EMCN: variants seen among roughly 807,000 people sequenced by gnomAD.
The protein encoded by EMCN is endomucin.
In EMCN, 37 loss-of-function variants were observed where a neutral mutation model predicts 38.4. The ratio of observed to expected loss-of-function variants is 0.96; its 90% CI spans 0.74 to 1.27. The LOEUF is 1.27. Ranked by LOEUF, EMCN falls within the 50% of genes most tolerant of loss-of-function variation. The probability of loss-of-function intolerance (pLI) is 0.00; values close to 1 mark genes in which losing one functional copy is unlikely to be tolerated. For missense variants in EMCN, 318 were observed against 302.8 expected, an observed-to-expected ratio of 1.05 and a Z score of -0.37; for synonymous variants, 95 against 100.8, an observed-to-expected ratio of 0.94 and a Z score of 0.35.
intron 3 of EMCN, among the ~76,000 whole-genome samples, chr4:100,467,200 G>A (rs2110265354): frequency 6.6e-6 from 1 of 152,226 alleles, no homozygotes; most frequent in South Asian, 2.1e-4. Flanking sequence ...AGTAGGCCTT[G>A]GAGCAAATCT....
In EMCN at chr4:100,457,946, G is replaced by A. The variant is rs141865023; in HGVS notation, c.376+7477C>T. 4.6e-3 allele frequency among the ~76,000 whole-genome samples: 703 copies of A among 152,046 alleles called. 8 individuals carry two copies. Among genetic ancestry groups the A allele is most frequent in the African/African-American group, 0.016 (669 of 41,464 alleles). On this transcript the variant is annotated intron_variant, in intron 4 of 11. Coordinates refer to ENST00000296420, the MANE Select transcript of EMCN (RefSeq NM_016242.4). ...AGCCTGGCCAAGATGGTGAAATCCC[G>A]TCTCTACTAAAAATACGAAAATTAC... is the stretch of plus-strand genomic sequence containing the variant.
intron 1 of EMCN, among the ~76,000 whole-genome samples, chr4:100,514,523 A>G (rs914979944): frequency 1.3e-5 from 2 of 152,002 alleles, no homozygotes; most frequent in Admixed American, 6.6e-5. Context: ...TAGTCTTCCC[A>G]TTTTATAGCC....
chr4:100,469,573 T>G (rs1728416239), intron 3 of EMCN, among the ~76,000 whole-genome samples: 1 of 66,596 alleles, frequency 1.5e-5, no homozygotes, highest in South Asian at 5.1e-4. Flanking sequence ...AATTATTTAA[T>G]TTAAGTCTTT....
intron 2 of EMCN, among the ~76,000 whole-genome samples, chr4:100,478,753 A>C (rs927059273): frequency 6.6e-6 from 1 of 152,196 alleles, no homozygotes; most frequent in Non-Finnish European, 1.5e-5. Flanking sequence ...ATAATTGTAT[A>C]TGAATAATTT....
chr4:100,494,721 A>G (rs1729167776), intron 1 of EMCN, among the ~76,000 whole-genome samples: 1 of 152,094 alleles, frequency 6.6e-6, no homozygotes, highest in Non-Finnish European at 1.5e-5. Flanking sequence ...TAGAACTGAG[A>G]GTAAAAGAAA....
intron 4 of EMCN, among the ~76,000 whole-genome samples, chr4:100,448,795 T>TCTTCCTTCCTTCCTTCCTTCCTTC (rs1553929060): frequency 5.2e-5 from 6 of 114,312 alleles, no homozygotes; most frequent in Non-Finnish European, 9.8e-5. Context: ...TGCCTTGAAG[T>TCTTCCTTCCTTCCTTCCTTCCTTC]CTTCCTTCCT....
intron 5 of EMCN, among the ~76,000 whole-genome samples, chr4:100,433,061 T>C (rs1334780722): frequency 6.6e-6 from 1 of 152,178 alleles, no homozygotes; most frequent in Non-Finnish European, 1.5e-5. Context: ...TGTTGTACAA[T>C]AGACTCCTAG....
At chr4:100,422,885 G>T in intron 7 of EMCN, 136 bp downstream of exon 7, 1 of 670,024 alleles carries the variant, frequency 1.5e-6, no homozygotes, top group Non-Finnish European at 2.5e-6. Flanking sequence ...GCAGCAGTTA[G>T]ATGGGATTGT....
intron 1 of EMCN, among the ~76,000 whole-genome samples, chr4:100,485,767 T>A (rs945861763): frequency 6.6e-6 from 1 of 152,086 alleles, no homozygotes; most frequent in African/African-American, 2.4e-5. Context: ...TCTCTTTTGA[T>A]ATGGGAGAGG....
At chr4:100,416,163 C>A (rs886764392) in intron 9 of EMCN, among the ~76,000 whole-genome samples, 3 of 151,604 alleles carry the variant, frequency 2.0e-5, no homozygotes, top group African/African-American at 4.9e-5. Context: ...TTTTCACATA[C>A]AAATACACAT....
At chr4:100,469,043 C>A (rs934044311) in intron 3 of EMCN, among the ~76,000 whole-genome samples, 2 of 151,892 alleles carry the variant, frequency 1.3e-5, no homozygotes, top group South Asian at 2.1e-4. Flanking sequence ...GACACATAGA[C>A]CAGTGGAAGA....
At chr4:100,486,442 G>T (rs1235631596) in intron 1 of EMCN, among the ~76,000 whole-genome samples, 1 of 152,192 alleles carries the variant, frequency 6.6e-6, no homozygotes, top group South Asian at 2.1e-4. Flanking sequence ...TCTTGTAAAA[G>T]AAGCTTTTAA....
At chr4:100,431,737 C>T (rs200895726) in intron 5 of EMCN, among the ~76,000 whole-genome samples, 1 of 124,166 alleles carries the variant, frequency 8.1e-6, no homozygotes, top group Non-Finnish European at 1.7e-5. Flanking sequence ...CTCTCTCTTT[C>T]TCTCCCTTTC....
At position 100,417,273 on chromosome 4, in the gene EMCN, A is replaced by C. The variant is rs997885371; in HGVS notation, c.665-132T>G. 1.4e-5 allele frequency: 12 copies of C among 844,146 alleles called. No homozygotes were observed. In the East Asian group the frequency reaches 2.8e-4, roughly 20 times the overall value. The allele number at this position is 844,146 out of a possible 1,614,324, so 52.3% of individuals were successfully genotyped here. On this transcript the variant is annotated intron_variant, in intron 8 of 11. Coordinates refer to ENST00000296420, the MANE Select transcript of EMCN (RefSeq NM_016242.4). ...AGATGTTTCTAAGTCATTTTAAAAT[A>C]TTTTAATTTTCCCCTTGCCAAGCCA...
At chr4:100,408,567 T>C (rs889419315) in intron 11 of EMCN, among the ~76,000 whole-genome samples, 1 of 152,192 alleles carries the variant, frequency 6.6e-6, no homozygotes, top group Non-Finnish European at 1.5e-5. Context: ...AGATAGGCTC[T>C]TACCCAGCCA....
chr4:100,423,963 G>C (rs1056409764), intron 5 of EMCN, among the ~76,000 whole-genome samples: 7 of 152,028 alleles, frequency 4.6e-5, no homozygotes, highest in Admixed American at 1.3e-4. Flanking sequence ...GCCTTTTCTA[G>C]AGTAATGCTA....
chr4:100,504,869 G>A (rs1729440115), intron 1 of EMCN, among the ~76,000 whole-genome samples: 1 of 152,232 alleles, frequency 6.6e-6, no homozygotes, highest in Non-Finnish European at 1.5e-5. Flanking sequence ...CCTGCCTGCA[G>A]TTATCCAGAG....
At chr4:100,514,750 G>T (rs1729710861) in intron 1 of EMCN, among the ~76,000 whole-genome samples, 1 of 151,872 alleles carries the variant, frequency 6.6e-6, no homozygotes, top group South Asian at 2.1e-4. Context: ...CCTTCCTCTA[G>T]AACCTCTTGA....
chr4:100,500,712 A>G (rs1468630841), intron 1 of EMCN, among the ~76,000 whole-genome samples: 1 of 152,146 alleles, frequency 6.6e-6, no homozygotes, highest in Non-Finnish European at 1.5e-5. Flanking sequence ...TATTGATTAT[A>G]GCTATAGTCA....
Sources: gnomAD v4.1 joint callset for allele counts (sites outside exome capture counted in the v4.1 genomes callset) on GRCh38, gnomAD v4.1.1 for gene constraint, MANE v1.5 for transcripts, NCBI Gene and HGNC (gene_info 2026-07-23, HGNC 2026-07-21) for gene names.